DLG2: variants seen among roughly 807,000 people sequenced by gnomAD.
The protein encoded by DLG2 is discs large MAGUK scaffold protein 2.
DLG2 carries 45 observed loss-of-function variants against 132.5 expected under a neutral mutation model. The observed-to-expected ratio is 0.34, with a 90% confidence interval of 0.27 to 0.44. The LOEUF is 0.44. Among genes scored for constraint, DLG2 ranks in the 20% least tolerant of loss-of-function variants. The pLI is 1.00. For synonymous variants in DLG2, 424 were observed against 419.6 expected (o/e 1.01, Z -0.13); for missense variants, 1,045 against 1,196.9 (o/e 0.87, Z 1.87).
intron 18 of DLG2, among the ~76,000 whole-genome samples, chr11:83,712,881 G>C (rs1203280401): frequency 6.6e-6 from 1 of 151,720 alleles, no homozygotes. Flanking sequence ...CTAGGTGATG[G>C]GATGATCTGT....
intron 9 of DLG2, among the ~76,000 whole-genome samples, chr11:84,136,670 A>C (rs1428945140): frequency 6.6e-6 from 1 of 152,194 alleles, no homozygotes; most frequent in Non-Finnish European, 1.5e-5. Flanking sequence ...ATATGACCGT[A>C]AACAGTGGGT....
At chr11:85,477,146 C>T (rs969337584) in intron 3 of DLG2, among the ~76,000 whole-genome samples, 1 of 152,026 alleles carries the variant, frequency 6.6e-6, no homozygotes, top group African/African-American at 2.4e-5. Flanking sequence ...GGCTGTTCAC[C>T]AAAACGTCAT....
At chr11:85,435,377 T>C (rs773014594) in intron 3 of DLG2, among the ~76,000 whole-genome samples, 4 of 152,212 alleles carry the variant, frequency 2.6e-5, no homozygotes, top group Non-Finnish European at 4.4e-5. Context: ...AAATTGTCGC[T>C]GTTTGCAGAT....
intron 6 of DLG2, among the ~76,000 whole-genome samples, chr11:84,685,158 A>G (rs943470429): frequency 2.0e-5 from 3 of 152,330 alleles, no homozygotes; most frequent in East Asian, 3.9e-4. Flanking sequence ...AAGCAGAGCC[A>G]GGGCTATAAT....
At chr11:84,877,063 T>C (rs184135909) in intron 6 of DLG2, among the ~76,000 whole-genome samples, 22 of 152,326 alleles carry the variant, frequency 1.4e-4, no homozygotes, top group African/African-American at 5.1e-4. Flanking sequence ...TTTTTTATGA[T>C]TTCCATTCTT....
chr11:83,571,498 C>T lies in DLG2; in HGVS notation c.1941-29640G>A, dbSNP rs2096795625. 2.0e-5 allele frequency among the ~76,000 whole-genome samples: 3 copies of T among 151,202 alleles called. No homozygotes were observed. In the South Asian group the frequency reaches 6.3e-4, roughly 32 times the overall value. On this transcript the variant is annotated intron_variant, in intron 19 of 27. Transcript: ENST00000376104. Reference sequence around the variant, plus strand: ...TTCCTCATTAAAAGAGAGATTGCATCACCCACTCTGCTTACTCACAAGGAA... The same window carrying T: ...TTCCTCATTAAAAGAGAGATTGCATTACCCACTCTGCTTACTCACAAGGAA...
intron 7 of DLG2, among the ~76,000 whole-genome samples, chr11:84,394,520 T>C (rs1326930910): frequency 1.3e-5 from 2 of 152,334 alleles, no homozygotes; most frequent in South Asian, 2.1e-4. Flanking sequence ...CACCATGCTA[T>C]GTCTGGGTGC....
At chr11:83,638,283 A>G (rs2065383124) in intron 18 of DLG2, among the ~76,000 whole-genome samples, 1 of 152,298 alleles carries the variant, frequency 6.6e-6, no homozygotes. Context: ...ATGGATGATA[A>G]TAGTAAAAAG....
chr11:84,800,087 T>C (rs1237561807), intron 6 of DLG2, among the ~76,000 whole-genome samples: 1 of 152,130 alleles, frequency 6.6e-6, no homozygotes, highest in East Asian at 1.9e-4. Context: ...AGGATCAGGT[T>C]TTACCCTAAG....
chr11:84,600,168 GAAAGAAA>G (rs1565419155), intron 6 of DLG2, among the ~76,000 whole-genome samples: 4 of 110,898 alleles, frequency 3.6e-5, no homozygotes, highest in South Asian at 3.2e-4. Flanking sequence ...AGGAAAGAAA[GAAAGAAA>G]GAAAGAAAGA....
At chr11:84,631,016 TCTCACACA>T (rs1477213215) in intron 6 of DLG2, among the ~76,000 whole-genome samples, 1,501 of 122,302 alleles carry the variant, frequency 0.012, 4 homozygotes, top group Non-Finnish European at 0.016. Flanking sequence ...TCTCTCTCTC[TCTCACACA>T]CACACACACA....
At chr11:84,934,128 A>G (rs2048407765) in intron 6 of DLG2, among the ~76,000 whole-genome samples, 1 of 152,102 alleles carries the variant, frequency 6.6e-6, no homozygotes, top group African/African-American at 2.4e-5. Flanking sequence ...TATTTAGATA[A>G]TCATGTGGTT....
At chr11:83,943,579 A>G (rs1347145565) in intron 14 of DLG2, among the ~76,000 whole-genome samples, 1 of 152,238 alleles carries the variant, frequency 6.6e-6, no homozygotes, top group Non-Finnish European at 1.5e-5. Flanking sequence ...TCAATCTCAA[A>G]TGTCTTCAGT....
At chr11:84,938,909 T>G (rs960147665) in intron 6 of DLG2, among the ~76,000 whole-genome samples, 1 of 152,210 alleles carries the variant, frequency 6.6e-6, no homozygotes, top group Non-Finnish European at 1.5e-5. Context: ...GTGCACATGT[T>G]TGCATTTCTT....
chr11:84,171,285 C>T (rs1691898083), intron 8 of DLG2, among the ~76,000 whole-genome samples: 1 of 152,096 alleles, frequency 6.6e-6, no homozygotes, highest in Admixed American at 6.6e-5. Context: ...GGTACAGGTG[C>T]AGTTTTGTTA....
At chr11:85,376,389 G>C (rs954655727) in intron 3 of DLG2, among the ~76,000 whole-genome samples, 5 of 152,112 alleles carry the variant, frequency 3.3e-5, no homozygotes, top group African/African-American at 1.2e-4. Context: ...AGAAACTGAG[G>C]CTGAAAGAGG....
chr11:83,786,629 A>C (rs1478390998), intron 18 of DLG2, 61 bp downstream of exon 18: 2 of 1,407,696 alleles, frequency 1.4e-6, no homozygotes, highest in African/African-American at 2.8e-5. Context: ...ATTATTAGTA[A>C]TGAGGGTACA....
At chr11:85,559,905 T>C (rs544119960) in intron 3 of DLG2, among the ~76,000 whole-genome samples, 2 of 151,654 alleles carry the variant, frequency 1.3e-5, no homozygotes, top group East Asian at 1.9e-4. Flanking sequence ...CCCCAAATCC[T>C]AATATCAAAA....
Position 84,128,910 on chromosome 11 carries a change from T to C in DLG2, c.625-29863A>G, listed in dbSNP as rs2154214094. On this transcript the variant is annotated intron_variant, in intron 9 of 27. Transcript: ENST00000376104. ...ACAATTTATAAAATAGATCACCTTT[T>C]TTGGCATGTTCTGCTAGAAACTTCT... Among the ~76,000 whole-genome samples the C allele has an allele frequency of 2.0e-5, 3 of 152,286 alleles. No individual in the cohort carries two copies. In the South Asian group the frequency reaches 6.2e-4, roughly 32 times the overall value.
Sources: allele counts gnomAD v4.1 joint callset (sites outside exome capture counted in the v4.1 genomes callset), GRCh38; gene constraint gnomAD v4.1.1; transcripts MANE v1.5; gene names NCBI Gene and HGNC (gene_info 2026-07-23, HGNC 2026-07-21).